ARHGAP18: variants seen among roughly 807,000 people sequenced by gnomAD.
The protein encoded by ARHGAP18 is Rho GTPase activating protein 18.
In ARHGAP18, 67 loss-of-function variants were observed where a neutral mutation model predicts 86.2. The observed-to-expected ratio is 0.78, with a 90% CI of 0.64 to 0.95. The LOEUF is 0.95. ARHGAP18 is among the 40% of genes least tolerant of loss of function. The pLI is 0.00. For synonymous variants in ARHGAP18, 283 were observed against 280.4 expected (o/e 1.01, Z -0.09); for missense variants, 691 against 780.4 (o/e 0.89, Z 1.37).
At chr6:129,582,822 T>C (rs1788315511) in intron 13 of ARHGAP18, among the ~76,000 whole-genome samples, 1 of 152,200 alleles carries the variant, frequency 6.6e-6, no homozygotes, top group Non-Finnish European at 1.5e-5. Flanking sequence ...ATCTCTGTTT[T>C]CTTATCAGTG....
At chr6:129,614,879 C>T (rs764424248) in intron 7 of ARHGAP18, among the ~76,000 whole-genome samples, 1 of 151,468 alleles carries the variant, frequency 6.6e-6, no homozygotes, top group Non-Finnish European at 1.5e-5. Context: ...CCCAAAGAAG[C>T]GGCAATTTTG....
At chr6:129,707,665 T>G in intron 1 of ARHGAP18, among the ~76,000 whole-genome samples, 1 of 150,466 alleles carries the variant, frequency 6.6e-6, no homozygotes, top group Non-Finnish European at 1.5e-5. Context: ...TTTTTTTTTT[T>G]TTGTATTTTT....
At chr6:129,604,102 T>C (rs189873283) in intron 10 of ARHGAP18, among the ~76,000 whole-genome samples, 1 of 152,340 alleles carries the variant, frequency 6.6e-6, no homozygotes, top group East Asian at 1.9e-4. Context: ...AAGTTCTAGT[T>C]TGAAACCTTC....
intron 1 of ARHGAP18, among the ~76,000 whole-genome samples, chr6:129,677,067 G>A (rs7743887): frequency 2.6e-5 from 4 of 151,898 alleles, no homozygotes; most frequent in Non-Finnish European, 5.9e-5. Flanking sequence ...GACTGTCAGA[G>A]TCCTGTGCCA....
intron 9 of ARHGAP18, 131 bp downstream of exon 9, chr6:129,607,762 C>T: frequency 3.2e-6 from 3 of 939,754 alleles, no homozygotes; most frequent in Non-Finnish European, 4.5e-6. Context: ...TGAGCACCCA[C>T]TGACATCAGT....
chr6:129,693,913 G>C (rs1373360772), intron 1 of ARHGAP18, among the ~76,000 whole-genome samples: 1 of 94,860 alleles, frequency 1.1e-5, no homozygotes, highest in Admixed American at 1.0e-4. Flanking sequence ...ACGAACAGCT[G>C]ACCATGAAAT....
At chr6:129,709,315 C>T (rs138307033) in intron 1 of ARHGAP18, among the ~76,000 whole-genome samples, 9 of 152,038 alleles carry the variant, frequency 5.9e-5, no homozygotes, top group African/African-American at 2.2e-4. Context: ...GAAAATGGAA[C>T]AAAGTACACA....
chr6:129,605,978 A>C lies in ARHGAP18; in HGVS notation c.1283-19T>G, dbSNP rs918247104. On this transcript the variant is annotated intron_variant, in intron 9 of 14. Coordinates refer to ENST00000368149, the MANE Select transcript of ARHGAP18 (RefSeq NM_033515.3). Reference sequence around the variant, plus strand: ...GGAAGATCTGCAGACAAATTAAATAAATCTGAACTCTTTTCTTCAGTGAAC... The same window carrying C: ...GGAAGATCTGCAGACAAATTAAATACATCTGAACTCTTTTCTTCAGTGAAC... 28 of 1,606,720 alleles carry C rather than the reference A, an allele frequency of 1.7e-5. No individual in the cohort carries two copies. The highest frequency in any genetic ancestry group is 2.3e-5 in the Non-Finnish European group (27 of 1,173,798).
intron 12 of ARHGAP18, among the ~76,000 whole-genome samples, chr6:129,591,199 C>T (rs1009385226): frequency 6.6e-6 from 1 of 152,180 alleles, no homozygotes; most frequent in African/African-American, 2.4e-5. Flanking sequence ...TGAAAAGATA[C>T]AACATGCCTG....
At chr6:129,579,806 C>A (rs752889236) in intron 14 of ARHGAP18, among the ~76,000 whole-genome samples, 1 of 152,154 alleles carries the variant, frequency 6.6e-6, no homozygotes, top group Non-Finnish European at 1.5e-5. Context: ...AAACTTGCAT[C>A]ATTAACCATT....
intron 1 of ARHGAP18, among the ~76,000 whole-genome samples, chr6:129,697,642 T>C (rs975525149): frequency 1.3e-5 from 2 of 152,160 alleles, no homozygotes; most frequent in Non-Finnish European, 2.9e-5. Context: ...ACTTATACAA[T>C]TGCCTAAATA....
intron 1 of ARHGAP18, among the ~76,000 whole-genome samples, chr6:129,647,256 A>G (rs865958625): frequency 1.7e-4 from 26 of 152,234 alleles, no homozygotes; most frequent in Middle Eastern, 3.4e-3. Flanking sequence ...AATTGCCTTA[A>G]TGTGCCTTTG....
intron 12 of ARHGAP18, among the ~76,000 whole-genome samples, chr6:129,589,769 G>T (rs2114435343): frequency 1.3e-5 from 2 of 152,262 alleles, no homozygotes; most frequent in South Asian, 4.2e-4. Flanking sequence ...TTATTAAGGA[G>T]TATTGACTCA....
At chr6:129,691,985 G>T (rs1464719401) in intron 1 of ARHGAP18, among the ~76,000 whole-genome samples, 1 of 152,214 alleles carries the variant, frequency 6.6e-6, no homozygotes, top group African/African-American at 2.4e-5. Flanking sequence ...CCTGGGCTTG[G>T]CCTGGGGCTT....
intron 9 of ARHGAP18, 107 bp from the exon 10 acceptor site, chr6:129,606,066 T>A: frequency 9.6e-7 from 1 of 1,041,600 alleles, no homozygotes; most frequent in Non-Finnish European, 1.4e-6. Flanking sequence ...AACATGACTG[T>A]AAAATGTAAG....
At chr6:129,700,999 TAAA>T (rs11461679) in intron 1 of ARHGAP18, among the ~76,000 whole-genome samples, 2 of 140,228 alleles carry the variant, frequency 1.4e-5, no homozygotes, top group Non-Finnish European at 1.6e-5. Context: ...ACCCCTCCCT[TAAA>T]AAAAAAAAAA....
chr6:129,686,788 CTT>C (rs553951472), intron 1 of ARHGAP18, among the ~76,000 whole-genome samples: 7 of 117,480 alleles, frequency 6.0e-5, no homozygotes, highest in Admixed American at 9.2e-5. Context: ...CTAATAAAAC[CTT>C]TTTTTTTTTT....
chr6:129,707,027 G>A (rs1377638723), intron 1 of ARHGAP18, among the ~76,000 whole-genome samples: 1 of 151,162 alleles, frequency 6.6e-6, no homozygotes, highest in Non-Finnish European at 1.5e-5. Flanking sequence ...GGGAGTTCGA[G>A]ACCAGCCTGA....
At chr6:129,704,563 A>C (rs1356515651) in intron 1 of ARHGAP18, among the ~76,000 whole-genome samples, 3 of 152,116 alleles carry the variant, frequency 2.0e-5, no homozygotes, top group Admixed American at 2.0e-4. Flanking sequence ...TTAACATTAC[A>C]AGTTTCTTAG....
Sources: gnomAD v4.1 joint callset for allele counts (sites outside exome capture counted in the v4.1 genomes callset) on GRCh38, gnomAD v4.1.1 for gene constraint, MANE v1.5 for transcripts, NCBI Gene and HGNC (gene_info 2026-07-23, HGNC 2026-07-21) for gene names.